Variants in BIRC6 observed in about 807,000 individuals in gnomAD.
BIRC6 encodes baculoviral IAP repeat containing 6, also known as dual E2 ubiquitin-conjugating enzyme/E3 ubiquitin-protein ligase BIRC6.
BIRC6 carries 98 observed loss-of-function variants against 503.3 expected under a neutral mutation model. The observed-to-expected ratio is 0.19, with a 90% confidence interval of 0.17 to 0.23. The LOEUF is 0.23. BIRC6 is among the 10% of genes least tolerant of loss of function. The pLI is 1.00. For missense variants in BIRC6, 5,360 were observed against 5,806.0 expected, an observed-to-expected ratio of 0.92 and a Z score of 2.50; for synonymous variants, 2,240 against 2,078.7, an observed-to-expected ratio of 1.08 and a Z score of -2.11.
intron 65 of BIRC6, among the ~76,000 whole-genome samples, chr2:32,550,295 A>C (rs1264554178): frequency 1.3e-5 from 2 of 152,220 alleles, no homozygotes; most frequent in Non-Finnish European, 2.9e-5. Flanking sequence ...GGTTGGTAGC[A>C]GCTAAGTGAC....
At chr2:32,483,176 A>G (rs1048573551) in intron 39 of BIRC6, among the ~76,000 whole-genome samples, 1 of 152,082 alleles carries the variant, frequency 6.6e-6, no homozygotes, top group Non-Finnish European at 1.5e-5. Context: ...CTCGGCCTCC[A>G]AAAGTGCTTG....
At chr2:32,379,788 G>C (rs536050314) in intron 2 of BIRC6, among the ~76,000 whole-genome samples, 16 of 152,164 alleles carry the variant, frequency 1.1e-4, no homozygotes, top group Admixed American at 8.5e-4. Flanking sequence ...ACTTTATATA[G>C]CTTGAGTATT....
chr2:32,510,619 C>G lies in BIRC6; in HGVS notation c.10331C>G (p.Pro3444Arg). ...TACCAGCTTGGAACAACTCAGGATCCTGGTACAAAAGACAGGTACGATTTT... is the reference window on the plus strand; with the variant it reads ...TACCAGCTTGGAACAACTCAGGATCGTGGTACAAAAGACAGGTACGATTTT... The part of the protein sequence containing the change: ...ILYQLGTTQD[P>R]GTKDRIQALL... Residue 3444 changes from proline to arginine, a missense_variant, in exon 53 of 74, where the codon CCT becomes CGT. Physicochemically the swap from Pro to Arg is moderately radical, Grantham distance 103. Coordinates refer to ENST00000421745, the MANE Select transcript of BIRC6 (RefSeq NM_016252.4). 6.3e-7 allele frequency: 1 copy of G among 1,594,438 alleles called. No individual in the cohort carries two copies. The highest frequency in any genetic ancestry group is 8.6e-7 in the Non-Finnish European group (1 of 1,162,448).
rs912094497 is a variant in BIRC6 at position 32,583,382 on chromosome 2, A to G, written c.13355+8016A>G. 5.3e-5 allele frequency among the ~76,000 whole-genome samples: 8 copies of G among 152,250 alleles called. No homozygotes were observed. In the South Asian group the frequency reaches 1.5e-3, roughly 28 times the overall value. ...CTAATACCCCCTTTCAAGAGTCGTGATTTGTAATAACTGCATGGTGTTAAG... is the reference window on the plus strand; with the variant it reads ...CTAATACCCCCTTTCAAGAGTCGTGGTTTGTAATAACTGCATGGTGTTAAG... On this transcript the variant is annotated intron_variant, in intron 66 of 73. Coordinates refer to ENST00000421745, the MANE Select transcript of BIRC6 (RefSeq NM_016252.4).
chr2:32,410,874 G>T (rs1028353258), intron 9 of BIRC6, among the ~76,000 whole-genome samples: 1 of 151,874 alleles, frequency 6.6e-6, no homozygotes, highest in Admixed American at 6.6e-5. Context: ...CTAAATTTTT[G>T]TATTTTTAGT....
At chr2:32,582,198 T>C (rs1016841847) in intron 66 of BIRC6, among the ~76,000 whole-genome samples, 4 of 152,082 alleles carry the variant, frequency 2.6e-5, no homozygotes, top group Non-Finnish European at 5.9e-5. Flanking sequence ...AGCTCTTGGA[T>C]GTATCATTGA....
intron 31 of BIRC6, among the ~76,000 whole-genome samples, chr2:32,470,512 G>C (rs1005523550): frequency 5.9e-5 from 9 of 152,052 alleles, no homozygotes; most frequent in Non-Finnish European, 1.0e-4. Flanking sequence ...TTTGAACTTA[G>C]TATAGTATGT....
At position 32,404,774 on chromosome 2, in the gene BIRC6, A is replaced by G. The variant is rs375302470; in HGVS notation, c.1419-1725A>G. 1.7e-4 allele frequency among the ~76,000 whole-genome samples: 25 copies of G among 150,772 alleles called. No individual in the cohort carries two copies. The South Asian group carries it at 1.7e-3, about 10-fold the overall frequency. Reference sequence around the variant, plus strand: ...CCTCCTGGGCTCAAGTCATCCTTCTACCTCAGCCTTCTAAGTAGCTGGGAC... The same window carrying G: ...CCTCCTGGGCTCAAGTCATCCTTCTGCCTCAGCCTTCTAAGTAGCTGGGAC... On this transcript the variant is annotated intron_variant, in intron 8 of 73. Transcript: ENST00000421745.
intron 1 of BIRC6, among the ~76,000 whole-genome samples, chr2:32,362,483 T>A (rs2034269603): frequency 6.6e-6 from 1 of 151,056 alleles, no homozygotes; most frequent in Non-Finnish European, 1.5e-5. Context: ...ACCCGGCTAA[T>A]TTTTTTTTGT....
intron 66 of BIRC6, among the ~76,000 whole-genome samples, chr2:32,581,117 C>T (rs376114492): frequency 1.3e-5 from 2 of 152,166 alleles, no homozygotes; most frequent in Non-Finnish European, 2.9e-5. Context: ...GAAGCTAAGT[C>T]GTTAAGTCAA....
chr2:32,598,081 A>G (rs2061789694), intron 69 of BIRC6, 113 bp downstream of exon 69: 2 of 1,078,992 alleles, frequency 1.9e-6, no homozygotes, highest in Admixed American at 5.7e-5. Context: ...AAAACACTAG[A>G]AATTTTGGTG....
At chr2:32,529,893 T>G (rs1019283709) in intron 60 of BIRC6, 69 bp downstream of exon 60, 13 of 947,932 alleles carry the variant, frequency 1.4e-5, no homozygotes, top group Non-Finnish European at 1.9e-5. Context: ...CTATAGCTAA[T>G]GACTTAATTG....
chr2:32,617,628 T>A, intron 73 of BIRC6, 97 bp from the exon 74 acceptor site: 1 of 1,294,112 alleles, frequency 7.7e-7, no homozygotes, highest in Non-Finnish European at 1.1e-6. Flanking sequence ...ATTTGTAGGC[T>A]TAATGCTTTG....
Position 32,546,249 on chromosome 2 carries a change from C to T in BIRC6, c.12810+389C>T, listed in dbSNP as rs530742165. Among the ~76,000 whole-genome samples the T allele has an allele frequency of 2.9e-3, 440 of 152,162 alleles. 2 individuals are homozygous for T. Among genetic ancestry groups the T allele is most frequent in the Non-Finnish European group, 4.0e-3 (273 of 67,992 alleles). On this transcript the variant is annotated intron_variant, in intron 63 of 73. Transcript: ENST00000421745. ...AATTCAAGAAAGAAAGAAAAAAATT[C>T]CTCATTATTTCAATATGATTTAATT... is the stretch of plus-strand genomic sequence containing the variant.
Position 32,430,385 on chromosome 2 carries a change from T to C in BIRC6, c.3023-480T>C, listed in dbSNP as rs539376823. ...GAAATAGAAAAAACAATTTAATTTT[T>C]CAGTTTGTAAGTATTTCTTTACCAC... On this transcript the variant is annotated intron_variant, in intron 11 of 73. Transcript: ENST00000421745. Among the ~76,000 whole-genome samples the C allele has an allele frequency of 3.9e-5, 6 of 152,350 alleles. No homozygotes were observed. In the South Asian group the frequency reaches 1.2e-3, roughly 32 times the overall value.
Position 32,449,543 on chromosome 2 carries a change from A to G in BIRC6, c.4618+615A>G, listed in dbSNP as rs914975389. Among the ~76,000 whole-genome samples, 14 of 152,224 alleles carry G rather than the reference A, an allele frequency of 9.2e-5. No individual in the cohort carries two copies. In the South Asian group the frequency reaches 2.9e-3, roughly 32 times the overall value. The stretch of plus-strand genomic sequence containing the variant: ...ACCATTTCATTTTTTTCTTCCGTCT[A>G]ATTGTACTTATTGCAGATGTTGTTA... On this transcript the variant is annotated intron_variant, in intron 22 of 73. Transcript: ENST00000421745.
At position 32,388,929 on chromosome 2, in the gene BIRC6, C is replaced by T. The variant is rs143632845; in HGVS notation, c.825C>T (p.Gly275=). 2.1e-5 allele frequency: 34 copies of T among 1,593,626 alleles called. No individual in the cohort carries two copies. Among genetic ancestry groups the T allele is most frequent in the Admixed American group, 5.4e-5 (3 of 55,786 alleles). Residue 275 remains glycine, a synonymous_variant, in exon 4 of 74, where the codon GGC becomes GGT. Transcript: ENST00000421745. ...SARPELGVGP[G]RSVDRSLMYS... is the part of the protein sequence containing the mutation. ...GTCCAGAACTCGGAGTGGGGCCAGG[C>T]CGTTCTGTAGACAGGTATGAACCTT...
At chr2:32,431,406 T>C (rs1038431882) in intron 12 of BIRC6, among the ~76,000 whole-genome samples, 1 of 151,834 alleles carries the variant, frequency 6.6e-6, no homozygotes, top group Non-Finnish European at 1.5e-5. Context: ...CTGTTGGCCA[T>C]GCTGGTCCCG....
chr2:32,405,420 C>T (rs908630900), intron 8 of BIRC6, among the ~76,000 whole-genome samples: 3 of 152,166 alleles, frequency 2.0e-5, no homozygotes, highest in African/African-American at 7.2e-5. Flanking sequence ...TGAATTTCCC[C>T]CAGCCGCCGC....
Sources: gnomAD v4.1 joint callset for allele counts (sites outside exome capture counted in the v4.1 genomes callset) on GRCh38, gnomAD v4.1.1 for gene constraint, MANE v1.5 for transcripts, NCBI Gene and HGNC (gene_info 2026-07-23, HGNC 2026-07-21) for gene names.